The following PRPS1 variants were observed in gnomAD, a reference collection of about 807,000 sequenced individuals.
The protein encoded by PRPS1 is ribose-phosphate pyrophosphokinase 1.
Under a neutral mutation model 16.9 loss-of-function variants are expected in PRPS1, and 1 was observed. That is an observed-to-expected ratio of 0.06 (90% CI 0.02 to 0.28). The LOEUF is 0.28. PRPS1 is among the 10% of genes least tolerant of loss of function. The pLI is 1.00. For synonymous variants in PRPS1, 70 were observed against 90.2 expected (o/e 0.78, Z 1.27); for missense variants, 47 against 254.0 (o/e 0.19, Z 5.54).
chrX:107,636,112 C>T (rs1925434739), intron 1 of PRPS1, among the ~76,000 whole-genome samples: 1 of 107,251 alleles, frequency 9.3e-6, no homozygotes, highest in African/African-American at 3.4e-5. Context: ...GAAATGACCA[C>T]TGCCTGTTTG....
chrX:107,638,709 C>G (rs777721203), intron 1 of PRPS1, among the ~76,000 whole-genome samples: 24 of 110,625 alleles, frequency 2.2e-4, no homozygotes, highest in African/African-American at 6.9e-4. Flanking sequence ...AGCCACCATG[C>G]CAGGCCCTCC....
At position 107,645,312 on chromosome X, in the gene PRPS1, G is replaced by A; in HGVS notation, c.666G>A (p.Met222Ile). Residue 222 changes from methionine to isoleucine, a missense_variant, in exon 5 of 7, where the codon ATG becomes ATA. Coordinates refer to ENST00000372435, the MANE Select transcript of PRPS1 (RefSeq NM_002764.4). The part of the protein sequence containing the change: ...KDRVAILVDD[M>I]ADTCGTICHA... The stretch of plus-strand genomic sequence containing the variant: ...GGGTGGCCATCCTTGTGGATGACAT[G>A]GCTGACACTTGTGGCACAATCTGCC... 5.8e-6 allele frequency: 7 copies of A among 1,212,043 alleles called. No homozygotes were observed. The highest frequency in any genetic ancestry group is 7.8e-6 in the Non-Finnish European group (7 of 895,637).
chrX:107,643,812 G>A (rs1486778755), intron 4 of PRPS1, among the ~76,000 whole-genome samples: 1 of 111,870 alleles, frequency 8.9e-6, no homozygotes, highest in Non-Finnish European at 1.9e-5. Flanking sequence ...TGCTTATGCA[G>A]TAGTAGTAAT....
At chrX:107,640,573 A>C (rs757137560) in intron 2 of PRPS1, among the ~76,000 whole-genome samples, 104 of 112,295 alleles carry the variant, frequency 9.3e-4, no homozygotes, top group Non-Finnish European at 1.6e-3. Flanking sequence ...GATTTTAATA[A>C]AATTATTTTT....
At chrX:107,630,455 T>C (rs894912081) in intron 1 of PRPS1, among the ~76,000 whole-genome samples, 3 of 112,154 alleles carry the variant, frequency 2.7e-5, no homozygotes, top group African/African-American at 6.5e-5. Flanking sequence ...TTTCTACTGA[T>C]TGATTTCTAT....
chrX:107,628,510 A>C lies in PRPS1; in HGVS notation c.-119A>C, dbSNP rs958026624. On this transcript the variant is annotated 5_prime_UTR_variant, in exon 1 of 7. Coordinates refer to ENST00000372435, the MANE Select transcript of PRPS1 (RefSeq NM_002764.4). The stretch of plus-strand genomic sequence containing the variant: ...AATTTAGAGCCGCGCGCCGGGCGGG[A>C]ATGTAAGATGGCGGAGTAGCAACGC... 1.1e-5 allele frequency: 13 copies of C among 1,163,530 alleles called. No individual in the cohort carries two copies. Among genetic ancestry groups the C allele is most frequent in the Non-Finnish European group, 1.5e-5 (13 of 856,641 alleles).
chrX:107,650,280 G>A lies in PRPS1; in HGVS notation c.*248G>A. ...TGTGGGCCTTGCAGCTTTAACTATA[G>A]CTCAGCTGCTGCAAGATTTCAGACT... On this transcript the variant is annotated 3_prime_UTR_variant, in exon 7 of 7. Transcript: ENST00000372435. 1 of 506,421 alleles carries A rather than the reference G, an allele frequency of 2.0e-6. No individual in the cohort carries two copies. The highest frequency in any genetic ancestry group is 3.3e-5 in the South Asian group (1 of 30,259). The allele number at this position is 506,421 out of a possible 1,213,427, so 41.7% of individuals were successfully genotyped here.
At chrX:107,646,425 G>T (rs756408870) in intron 5 of PRPS1, among the ~76,000 whole-genome samples, 8 of 111,842 alleles carry the variant, frequency 7.2e-5, no homozygotes, top group Non-Finnish European at 1.5e-4. Context: ...CCTGAGAATG[G>T]TTTTTTTAAA....
chrX:107,648,756 G>A (rs1379260310), intron 6 of PRPS1, among the ~76,000 whole-genome samples: 1 of 107,411 alleles, frequency 9.3e-6, no homozygotes, highest in Non-Finnish European at 1.9e-5. Context: ...AGGTTTTTTT[G>A]TTTGTTTGTT....
rs758290517 is a variant in PRPS1 at position 107,633,366 on chromosome X, G to A, written c.122+4616G>A. Among the ~76,000 whole-genome samples, 851 of 103,243 alleles carry A rather than the reference G, an allele frequency of 8.2e-3. 2 individuals carry two copies. Among genetic ancestry groups the A allele is most frequent in the Middle Eastern group, 0.024 (5 of 208 alleles). 89.7% of individuals were successfully genotyped at this position (103,243 alleles called of 115,157 possible). On this transcript the variant is annotated intron_variant, in intron 1 of 6. Transcript: ENST00000372435. ...GAACCCAGGAGGCGGAGCTTGCAGTGAGCTGAGATCCTGCCACTGCACTCC... is the reference window on the plus strand; with the variant it reads ...GAACCCAGGAGGCGGAGCTTGCAGTAAGCTGAGATCCTGCCACTGCACTCC...
intron 5 of PRPS1, 90 bp downstream of exon 5, chrX:107,645,440 C>G: frequency 9.3e-7 from 1 of 1,072,375 alleles, no homozygotes; most frequent in Non-Finnish European, 1.3e-6. Flanking sequence ...CCTTTTGGAA[C>G]CAAATTGAGG....
chrX:107,631,434 T>G (rs1191293506), intron 1 of PRPS1, among the ~76,000 whole-genome samples: 1 of 111,940 alleles, frequency 8.9e-6, no homozygotes, highest in East Asian at 2.8e-4. Flanking sequence ...ACCTTATGGT[T>G]ATGCCATAAT....
chrX:107,639,789 T>C (rs1400169276), intron 2 of PRPS1, among the ~76,000 whole-genome samples: 1 of 111,560 alleles, frequency 9.0e-6, no homozygotes, highest in Non-Finnish European at 1.9e-5. Context: ...TTACGGTAGA[T>C]CCTCTCAAAC....
At chrX:107,644,015 C>T (rs1925633780) in intron 4 of PRPS1, among the ~76,000 whole-genome samples, 1 of 111,858 alleles carries the variant, frequency 8.9e-6, no homozygotes, top group African/African-American at 3.3e-5. Context: ...TCCCCAAGCA[C>T]GGGCTGCTTC....
At chrX:107,634,154 C>T (rs1317042957) in intron 1 of PRPS1, among the ~76,000 whole-genome samples, 2 of 110,903 alleles carry the variant, frequency 1.8e-5, no homozygotes, top group Non-Finnish European at 3.8e-5. Flanking sequence ...GTAATTGTGG[C>T]AACTATTTGG....
chrX:107,636,593 G>T (rs1000729898), intron 1 of PRPS1: 1 of 110,894 alleles, frequency 9.0e-6, no homozygotes, highest in Non-Finnish European at 1.9e-5. Flanking sequence ...TTGAGATGAG[G>T]GTCTTCCTGT....
chrX:107,650,144 A>G lies in PRPS1; in HGVS notation c.*112A>G, dbSNP rs1249536322. On this transcript the variant is annotated 3_prime_UTR_variant, in exon 7 of 7. Transcript: ENST00000372435. ...CCGGCTTGCTCCAGTGTAGCTTTCT[A>G]CATCCCACATCAGGTATATTAGAGC... 12 of 1,161,209 alleles carry G rather than the reference A, an allele frequency of 1.0e-5. No individual in the cohort carries two copies. Among genetic ancestry groups the G allele is most frequent in the South Asian group, 9.3e-5 (5 of 54,019 alleles).
chrX:107,632,831 C>T (rs1008783210), intron 1 of PRPS1, among the ~76,000 whole-genome samples: 3 of 112,086 alleles, frequency 2.7e-5, no homozygotes, highest in Admixed American at 9.5e-5. Context: ...GTGCAATTCA[C>T]GGACTTTTTA....
At chrX:107,645,998 C>T (rs1859366980) in intron 5 of PRPS1, among the ~76,000 whole-genome samples, 1 of 111,420 alleles carries the variant, frequency 9.0e-6, no homozygotes, top group Non-Finnish European at 1.9e-5. Context: ...GCTAATCTTC[C>T]TGCAACTGAG....
Sources: gnomAD v4.1 joint callset for allele counts (sites outside exome capture counted in the v4.1 genomes callset) on GRCh38, gnomAD v4.1.1 for gene constraint, MANE v1.5 for transcripts, NCBI Gene and HGNC (gene_info 2026-07-23, HGNC 2026-07-21) for gene names.